Variants in TMTC1 observed in about 807,000 individuals in gnomAD.
The protein encoded by TMTC1 is transmembrane O-mannosyltransferase targeting cadherins 1.
TMTC1 carries 73 observed loss-of-function variants against 104.8 expected under a neutral mutation model. That is an observed-to-expected ratio of 0.70 (90% CI 0.58 to 0.85). The LOEUF (loss-of-function observed/expected upper bound fraction) is 0.85. Ranked by LOEUF, TMTC1 falls within the 40% of genes least tolerant of loss-of-function variation. TMTC1 has a pLI of 0.00. For missense variants in TMTC1, 1,035 were observed against 1,096.1 expected (o/e 0.94, Z 0.79); for synonymous variants, 434 against 428.7 (o/e 1.01, Z -0.15).
chr12:29,520,581 A>C (rs777486608), intron 12 of TMTC1, 37 bp downstream of exon 12: 56 of 1,511,892 alleles, frequency 3.7e-5, no homozygotes, highest in Non-Finnish European at 5.0e-5. Context: ...TGTATTAGCT[A>C]ATCTCAGCAG....
intron 12 of TMTC1, 101 bp downstream of exon 12, chr12:29,520,517 G>T (rs1944119650): frequency 2.0e-6 from 2 of 982,184 alleles, no homozygotes; most frequent in Non-Finnish European, 3.1e-6. Context: ...TTCCTGCCAA[G>T]CCCAGTGAAT....
intron 1 of TMTC1, among the ~76,000 whole-genome samples, chr12:29,769,983 G>C (rs1943559404): frequency 6.6e-6 from 1 of 151,838 alleles, no homozygotes; most frequent in Non-Finnish European, 1.5e-5. Context: ...ATGTTAGAGT[G>C]AATGTACAAG....
At chr12:29,721,985 TA>T (rs1805242263) in intron 5 of TMTC1, among the ~76,000 whole-genome samples, 1 of 152,210 alleles carries the variant, frequency 6.6e-6, no homozygotes, top group South Asian at 2.1e-4. Flanking sequence ...ACATCTGGCT[TA>T]ATAGATGCCT....
intron 17 of TMTC1, 137 bp from the exon 18 acceptor site, chr12:29,507,123 ATTT>A: frequency 1.4e-6 from 1 of 714,100 alleles, no homozygotes; most frequent in South Asian, 1.8e-5. Flanking sequence ...TGTATGTGTA[ATTT>A]TATCCTTGTC....
intron 5 of TMTC1, among the ~76,000 whole-genome samples, chr12:29,643,537 T>C (rs1445364537): frequency 1.5e-4 from 7 of 46,488 alleles, no homozygotes; most frequent in African/African-American, 7.0e-4. Flanking sequence ...AAATATATAA[T>C]ATATATCACA....
intron 5 of TMTC1, among the ~76,000 whole-genome samples, chr12:29,713,212 C>A (rs149518897): frequency 0.015 from 2,220 of 151,664 alleles, 36 homozygotes; most frequent in Non-Finnish European, 0.025. Context: ...GAATTTCCAG[C>A]CTGCAAGTCT....
chr12:29,625,467 A>T (rs1415564921), intron 6 of TMTC1, among the ~76,000 whole-genome samples: 1 of 152,260 alleles, frequency 6.6e-6, no homozygotes, highest in African/African-American at 2.4e-5. Context: ...GAAAGAAGAA[A>T]ACCTGGAGAG....
At chr12:29,661,282 G>T in intron 5 of TMTC1, 1 of 787,894 alleles carries the variant, frequency 1.3e-6, no homozygotes, top group Non-Finnish European at 1.5e-6. Context: ...TGGTCACAGG[G>T]ATAATCTTAA....
chr12:29,694,832 T>C (rs143187519), intron 5 of TMTC1, among the ~76,000 whole-genome samples: 2,086 of 152,224 alleles, frequency 0.014, 18 homozygotes, highest in Non-Finnish European at 0.02. Flanking sequence ...CCCAGCTATT[T>C]GGGAGGCTGG....
chr12:29,585,049 C>G (rs1343238267), intron 7 of TMTC1, among the ~76,000 whole-genome samples: 1 of 149,482 alleles, frequency 6.7e-6, no homozygotes, highest in Non-Finnish European at 1.5e-5. Context: ...AGTTTACAGT[C>G]CCACCAACAG....
chr12:29,556,441 C>A (rs752928618), intron 10 of TMTC1, among the ~76,000 whole-genome samples: 4 of 152,182 alleles, frequency 2.6e-5, no homozygotes, highest in Non-Finnish European at 5.9e-5. Context: ...TTTGGAAATG[C>A]CTTCCCTCCA....
intron 9 of TMTC1, among the ~76,000 whole-genome samples, chr12:29,570,881 A>ACAC (rs1945652278): frequency 1.6e-4 from 5 of 31,306 alleles, no homozygotes; most frequent in Non-Finnish European, 2.4e-4. Flanking sequence ...AAACAGAAAC[A>ACAC]CCCCCCCCCC....
chr12:29,703,603 A>G lies in TMTC1; in HGVS notation c.938+48063T>C, dbSNP rs149583822. Reference sequence around the variant, plus strand: ...CTTAATGCCAAGACGCATTTTTGCTAACAGCAACCACAATGAGGCAATGAG... The same window carrying G: ...CTTAATGCCAAGACGCATTTTTGCTGACAGCAACCACAATGAGGCAATGAG... On this transcript the variant is annotated intron_variant, in intron 5 of 17. Coordinates refer to ENST00000539277, the MANE Select transcript of TMTC1 (RefSeq NM_001193451.2). Among the ~76,000 whole-genome samples, 188 of 152,300 alleles carry G rather than the reference A, an allele frequency of 1.2e-3. 2 individuals are homozygous for G. The highest frequency in any genetic ancestry group is 3.3e-3 in the African/African-American group (137 of 41,562).
intron 11 of TMTC1, chr12:29,534,125 C>A (rs1372287454): frequency 1.3e-5 from 2 of 152,188 alleles, no homozygotes; most frequent in African/African-American, 4.8e-5. Flanking sequence ...TAAAGTTGTG[C>A]AACCAAGAAA....
intron 5 of TMTC1, among the ~76,000 whole-genome samples, chr12:29,735,838 C>T (rs1212256250): frequency 6.6e-6 from 1 of 152,036 alleles, no homozygotes. Context: ...CAGGTGTTGC[C>T]GTAGGTGAAA....
At position 29,751,792 on chromosome 12, in the gene TMTC1, C is replaced by A; in HGVS notation, c.812G>T (p.Arg271Leu). ...QPSSLPGHPHRENGKQQRFPH... is the reference protein window; with the variant it reads ...QPSSLPGHPHLENGKQQRFPH... ...GAACCGCTGCTGCTTCCCATTCTCC[C>A]GGTGAGGATGGCCTGGCAGTGAGGA... The change falls in exon 5 of 18, where the codon CGG becomes CTG. Residue 271 changes from arginine (R) to leucine (L), a missense_variant. Coordinates refer to ENST00000539277, the MANE Select transcript of TMTC1 (RefSeq NM_001193451.2). The A allele has an allele frequency of 6.2e-7, 1 of 1,613,318 alleles. No individual in the cohort carries two copies. Among genetic ancestry groups the A allele is most frequent in the African/African-American group, 1.3e-5 (1 of 74,986 alleles).
At chr12:29,664,200 T>TA (rs377096919) in intron 5 of TMTC1, among the ~76,000 whole-genome samples, 2 of 135,528 alleles carry the variant, frequency 1.5e-5, no homozygotes, top group African/African-American at 5.4e-5. Context: ...AAAATAAAAA[T>TA]AAAAAATAAA....
At chr12:29,598,751 TA>T (rs1946477701) in intron 7 of TMTC1, among the ~76,000 whole-genome samples, 1 of 152,240 alleles carries the variant, frequency 6.6e-6, no homozygotes, top group African/African-American at 2.4e-5. Context: ...ATGTGTAGAA[TA>T]GCTACTGATT....
At chr12:29,636,906 C>G (rs1938579419) in intron 5 of TMTC1, among the ~76,000 whole-genome samples, 1 of 149,032 alleles carries the variant, frequency 6.7e-6, no homozygotes, top group African/African-American at 2.5e-5. Context: ...AAAAAAAAAA[C>G]TTAGCTGGGT....
Sources: gnomAD v4.1 joint callset for allele counts (sites outside exome capture counted in the v4.1 genomes callset) on GRCh38, gnomAD v4.1.1 for gene constraint, MANE v1.5 for transcripts, NCBI Gene and HGNC (gene_info 2026-07-23, HGNC 2026-07-21) for gene names.